The following PLEKHM3 variants were observed in gnomAD, a reference collection of about 807,000 sequenced individuals.
PLEKHM3 encodes pleckstrin homology domain containing M3, also known as pleckstrin homology domain-containing family M member 3.
Under a neutral mutation model 81.8 loss-of-function variants are expected in PLEKHM3, and 45 were observed. That is an observed-to-expected ratio of 0.55 (90% confidence interval 0.43 to 0.71). The LOEUF (loss-of-function observed/expected upper bound fraction) is 0.71, where lower values mean the gene tolerates loss of function less well. Among genes scored for constraint, PLEKHM3 ranks in the 30% least tolerant of loss-of-function variants. The pLI, the probability that PLEKHM3 is intolerant of heterozygous loss-of-function variation, is 0.00. For missense variants in PLEKHM3, 788 were observed against 924.3 expected, an observed-to-expected ratio of 0.85 and a Z score of 1.91; for synonymous variants, 352 against 356.4, an observed-to-expected ratio of 0.99 and a Z score of 0.14.
intron 2 of PLEKHM3, among the ~76,000 whole-genome samples, chr2:207,996,740 G>A (rs974760908): frequency 6.6e-6 from 1 of 151,940 alleles, no homozygotes; most frequent in Non-Finnish European, 1.5e-5. Context: ...ACCACAGGAA[G>A]GCCAATTCAT....
At chr2:207,893,454 C>T (rs1439754898) in intron 6 of PLEKHM3, among the ~76,000 whole-genome samples, 2 of 152,132 alleles carry the variant, frequency 1.3e-5, no homozygotes, top group Non-Finnish European at 2.9e-5. Context: ...CTATCTTTTG[C>T]GTGGCTGAAG....
At position 207,828,247 on chromosome 2, in the gene PLEKHM3, G is replaced by C; in HGVS notation, c.*72C>G. 6.7e-7 allele frequency: 1 copy of C among 1,498,886 alleles called. No individual in the cohort carries two copies. The highest frequency in any genetic ancestry group is 2.3e-5 in the East Asian group (1 of 43,906). The allele number at this position is 1,498,886 out of a possible 1,614,324, so 92.8% of individuals were successfully genotyped here. ...CTCTTCTTCCAAAGGGGTCTAACTG[G>C]CTAGTTAGGAGGCCGCTCTGGGGCT... On this transcript the variant is annotated 3_prime_UTR_variant, in exon 8 of 8. Transcript: ENST00000427836.
Position 208,001,332 on chromosome 2 carries a change from G to A in PLEKHM3, c.308C>T (p.Pro103Leu), listed in dbSNP as rs775099037. ...EQFMVQRGTT[P>L]DNLSWMEQKE... is the part of the protein sequence containing the mutation. ...TTGTTCCATCCAGGAAAGATTATCT[G>A]GGGTTGTCCCTCTCTGGACCATAAA... The change falls in exon 2 of 8, where the codon CCA (proline) becomes CTA (leucine). Residue 103 changes from proline (P) to leucine (L), a missense_variant. Transcript: ENST00000427836. 6 of 1,614,168 alleles carry A rather than the reference G, an allele frequency of 3.7e-6. No individual in the cohort carries two copies. The East Asian group carries it at 1.3e-4, about 36-fold the overall frequency.
chr2:207,859,118 A>C (rs1046816742), intron 7 of PLEKHM3, among the ~76,000 whole-genome samples: 2 of 148,526 alleles, frequency 1.3e-5, no homozygotes, highest in South Asian at 4.2e-4. Context: ...AGCATGTATC[A>C]GTACGTTTTT....
At chr2:207,858,174 G>GTGTGTGTGTGTGTATA (rs373920637) in intron 7 of PLEKHM3, among the ~76,000 whole-genome samples, 11 of 123,300 alleles carry the variant, frequency 8.9e-5, no homozygotes, top group African/African-American at 3.9e-4. Flanking sequence ...GTGTGTGTGT[G>GTGTGTGTGTGTGTATA]TATATATTTT....
Position 207,861,137 on chromosome 2 carries a change from G to A in PLEKHM3, c.2076C>T (p.Ile692=). The stretch of plus-strand genomic sequence containing the variant: ...TTGAAATATCCTCAAAAGGGTAGAG[G>A]ATCTCTCCATTGTTACAGATTTCAC... ...FICEICNNGE[I]LYPFEDISTS... is the part of the protein sequence containing the mutation. Residue 692 remains isoleucine (I), a synonymous_variant, in exon 7 of 8, where the codon ATC becomes ATT. Coordinates refer to ENST00000427836, the MANE Select transcript of PLEKHM3 (RefSeq NM_001080475.3). 6.2e-7 allele frequency: 1 copy of A among 1,614,062 alleles called. No individual in the cohort carries two copies. The highest frequency in any genetic ancestry group is 8.5e-7 in the Non-Finnish European group (1 of 1,179,996).
At chr2:207,952,640 G>T (rs1199979181) in intron 3 of PLEKHM3, among the ~76,000 whole-genome samples, 1 of 152,132 alleles carries the variant, frequency 6.6e-6, no homozygotes, top group African/African-American at 2.4e-5. Context: ...TTAAAGAAAG[G>T]ATTATTTGAC....
intron 6 of PLEKHM3, among the ~76,000 whole-genome samples, chr2:207,889,929 A>G (rs1688004392): frequency 6.6e-6 from 1 of 151,892 alleles, no homozygotes; most frequent in African/African-American, 2.4e-5. Context: ...TCAGCCTCCC[A>G]AGTAGCTGGG....
intron 2 of PLEKHM3, among the ~76,000 whole-genome samples, chr2:207,993,947 C>T (rs1254661426): frequency 1.3e-5 from 2 of 152,174 alleles, no homozygotes; most frequent in African/African-American, 2.4e-5. Context: ...GTTTTCATTA[C>T]AATTTTTTAT....
chr2:207,977,614 T>C, intron 2 of PLEKHM3, 28 bp from the exon 3 acceptor site: 1 of 1,549,182 alleles, frequency 6.5e-7, no homozygotes, highest in African/African-American at 1.4e-5. Flanking sequence ...GGCAAAGTAT[T>C]GATTAGAATT....
At chr2:207,938,048 T>C (rs1449533411) in intron 4 of PLEKHM3, among the ~76,000 whole-genome samples, 1 of 152,220 alleles carries the variant, frequency 6.6e-6, no homozygotes, top group Non-Finnish European at 1.5e-5. Flanking sequence ...AAATAGGAAA[T>C]GGTTTATGTA....
Position 207,969,974 on chromosome 2 carries a change from C to T in PLEKHM3, c.1546+6677G>A, listed in dbSNP as rs867538681. On this transcript the variant is annotated intron_variant, in intron 3 of 7. Coordinates refer to ENST00000427836, the MANE Select transcript of PLEKHM3 (RefSeq NM_001080475.3). ...CCCACAAATAAAGAACTAAAAAGCACAACTTTTCTGCCCTTAAAGCACCAA... is the reference window on the plus strand; with the variant it reads ...CCCACAAATAAAGAACTAAAAAGCATAACTTTTCTGCCCTTAAAGCACCAA... 7.2e-5 allele frequency among the ~76,000 whole-genome samples: 11 copies of T among 152,190 alleles called. No homozygotes were observed. In the South Asian group the frequency reaches 8.3e-4, roughly 11 times the overall value.
chr2:207,875,986 C>T (rs2092558237), intron 6 of PLEKHM3, among the ~76,000 whole-genome samples: 1 of 152,146 alleles, frequency 6.6e-6, no homozygotes. Flanking sequence ...CAAATATCCA[C>T]AGTATAATGT....
chr2:207,937,586 A>T (rs796274889), intron 4 of PLEKHM3, among the ~76,000 whole-genome samples: 9 of 152,044 alleles, frequency 5.9e-5, no homozygotes, highest in Admixed American at 4.6e-4. Context: ...AAAAAAAAAA[A>T]ATTCCAAGGC....
chr2:207,882,241 G>A (rs1449084911), intron 6 of PLEKHM3, among the ~76,000 whole-genome samples: 2 of 152,160 alleles, frequency 1.3e-5, no homozygotes, highest in African/African-American at 4.8e-5. Context: ...CTTAGTGACA[G>A]AAACCTGGCT....
chr2:207,883,583 A>T (rs935478071), intron 6 of PLEKHM3, among the ~76,000 whole-genome samples: 1 of 152,184 alleles, frequency 6.6e-6, no homozygotes, highest in Non-Finnish European at 1.5e-5. Flanking sequence ...TTTGGTGGTG[A>T]GCATGTGTAA....
intron 1 of PLEKHM3, among the ~76,000 whole-genome samples, chr2:208,017,612 G>T (rs907860552): frequency 2.6e-5 from 4 of 152,208 alleles, no homozygotes; most frequent in African/African-American, 9.6e-5. Context: ...CCACAGCTAG[G>T]ATACTTTCCC....
chr2:207,894,167 A>T (rs539264537), intron 6 of PLEKHM3, among the ~76,000 whole-genome samples: 1 of 152,294 alleles, frequency 6.6e-6, no homozygotes, highest in Admixed American at 6.5e-5. Flanking sequence ...TCATAAATCC[A>T]TATCTAATTA....
chr2:207,842,031 G>A (rs1299377274), intron 7 of PLEKHM3, among the ~76,000 whole-genome samples: 1 of 152,082 alleles, frequency 6.6e-6, no homozygotes, highest in Non-Finnish European at 1.5e-5. Context: ...TCCGCCTCCC[G>A]GGTTCAGGCC....
Sources: allele counts gnomAD v4.1 joint callset (sites outside exome capture counted in the v4.1 genomes callset), GRCh38; gene constraint gnomAD v4.1.1; transcripts MANE v1.5; gene names NCBI Gene and HGNC (gene_info 2026-07-23, HGNC 2026-07-21).